EGFR: variants seen among roughly 807,000 people sequenced by gnomAD.
EGFR encodes epidermal growth factor receptor, also known as avian erythroblastic leukemia viral (v-erb-b) oncogene homolog.
EGFR carries 58 observed loss-of-function variants against 143.0 expected under a neutral mutation model. The ratio of observed to expected loss-of-function variants is 0.41; its 90% CI spans 0.33 to 0.50. The LOEUF (loss-of-function observed/expected upper bound fraction) is 0.50. Ranked by LOEUF, EGFR falls within the 20% of genes least tolerant of loss-of-function variation. The pLI is 0.39. For synonymous variants in EGFR, 613 were observed against 594.4 expected, an observed-to-expected ratio of 1.03 and a Z score of -0.45; for missense variants, 1,307 against 1,579.0, an observed-to-expected ratio of 0.83 and a Z score of 2.92.
chr7:55,175,853 C>G (rs2128955492), intron 19 of EGFR, among the ~76,000 whole-genome samples: 1 of 152,288 alleles, frequency 6.6e-6, no homozygotes, highest in Admixed American at 6.5e-5. Context: ...GTTTAATTTT[C>G]TCTGGGCAGC....
intron 1 of EGFR, among the ~76,000 whole-genome samples, chr7:55,093,610 A>T (rs920116369): frequency 1.3e-5 from 2 of 152,190 alleles, no homozygotes; most frequent in African/African-American, 4.8e-5. Flanking sequence ...CTTTCATAGA[A>T]ATGGTCATTT....
At chr7:55,059,500 G>A (rs1789040552) in intron 1 of EGFR, among the ~76,000 whole-genome samples, 1 of 151,896 alleles carries the variant, frequency 6.6e-6, no homozygotes, top group African/African-American at 2.4e-5. Flanking sequence ...GTTGCGTTAG[G>A]GGTCATTCTT....
At chr7:55,057,589 T>C (rs1310470514) in intron 1 of EGFR, among the ~76,000 whole-genome samples, 2 of 152,236 alleles carry the variant, frequency 1.3e-5, no homozygotes, top group African/African-American at 4.8e-5. Flanking sequence ...AACATATTAT[T>C]TGACTTCATG....
intron 1 of EGFR, among the ~76,000 whole-genome samples, chr7:55,125,697 C>T (rs549483635): frequency 5.6e-4 from 85 of 152,000 alleles, no homozygotes; most frequent in African/African-American, 1.9e-3. Context: ...CGTCTTGCAG[C>T]GTCACAGCCA....
intron 1 of EGFR, among the ~76,000 whole-genome samples, chr7:55,028,855 T>A (rs961119732): frequency 6.6e-6 from 1 of 152,134 alleles, no homozygotes; most frequent in Non-Finnish European, 1.5e-5. Flanking sequence ...TCCAAACATA[T>A]GACAGATAAA....
At chr7:55,084,479 G>A (rs1790644765) in intron 1 of EGFR, among the ~76,000 whole-genome samples, 1 of 152,218 alleles carries the variant, frequency 6.6e-6, no homozygotes, top group African/African-American at 2.4e-5. Flanking sequence ...AAAACCAGCT[G>A]ATTTGGGATG....
chr7:55,161,936 G>A (rs1334047421), intron 13 of EGFR, among the ~76,000 whole-genome samples: 5 of 152,184 alleles, frequency 3.3e-5, no homozygotes, highest in African/African-American at 1.2e-4. Context: ...AGACAAATGA[G>A]ACAGTCATCA....
intron 27 of EGFR, 78 bp from the exon 28 acceptor site, chr7:55,205,178 C>T (rs2128974924): frequency 6.3e-7 from 1 of 1,579,166 alleles, no homozygotes. Flanking sequence ...AGGACATTCA[C>T]AGGGTTCAGA....
chr7:55,079,803 G>A (rs1382251465), intron 1 of EGFR, among the ~76,000 whole-genome samples: 5 of 152,094 alleles, frequency 3.3e-5, no homozygotes, highest in African/African-American at 7.2e-5. Flanking sequence ...CCAGGGTCCC[G>A]CCACTCCAGG....
At chr7:55,172,804 G>C (rs1283607894) in intron 16 of EGFR, 179 bp from the exon 17 acceptor site, 1 of 1,534,958 alleles carries the variant, frequency 6.5e-7, no homozygotes, top group Non-Finnish European at 8.7e-7. Flanking sequence ...GCTTGAGAAA[G>C]TTGGAAACGT....
chr7:55,178,168 T>C (rs1278595715), intron 19 of EGFR, among the ~76,000 whole-genome samples: 1 of 152,196 alleles, frequency 6.6e-6, no homozygotes, highest in Non-Finnish European at 1.5e-5. Context: ...CTCAAATGAA[T>C]ACAATATGTT....
chr7:55,118,207 C>T (rs1332221160), intron 1 of EGFR, among the ~76,000 whole-genome samples: 2 of 152,164 alleles, frequency 1.3e-5, no homozygotes, highest in Non-Finnish European at 2.9e-5. Context: ...CAGTCTGTTG[C>T]AATAGGTGAC....
intron 1 of EGFR, among the ~76,000 whole-genome samples, chr7:55,066,058 C>G (rs1198285909): frequency 1.3e-5 from 2 of 152,192 alleles, no homozygotes; most frequent in East Asian, 3.9e-4. Context: ...GATGAAAGTA[C>G]CATGCAGAGG....
At chr7:55,112,129 A>G (rs1792537438) in intron 1 of EGFR, among the ~76,000 whole-genome samples, 1 of 152,230 alleles carries the variant, frequency 6.6e-6, no homozygotes, top group African/African-American at 2.4e-5. Context: ...AGGTCCCCCT[A>G]CAGAGGTCCC....
chr7:55,115,223 G>C (rs1792763559), intron 1 of EGFR, among the ~76,000 whole-genome samples: 1 of 152,088 alleles, frequency 6.6e-6, no homozygotes, highest in Admixed American at 6.5e-5. Flanking sequence ...ATATCACCAA[G>C]ACTCTGTTCA....
At chr7:55,067,065 C>T (rs1789548901) in intron 1 of EGFR, among the ~76,000 whole-genome samples, 1 of 152,196 alleles carries the variant, frequency 6.6e-6, no homozygotes, top group Admixed American at 6.5e-5. Context: ...TCCTCACCTG[C>T]CTGGTGGGAC....
At chr7:55,168,686 A>C in intron 15 of EGFR, 1 of 1,162,892 alleles carries the variant, frequency 8.6e-7, no homozygotes, top group Non-Finnish European at 1.2e-6. Context: ...TACATTCCTG[A>C]TTCTGAGCCT....
At chr7:55,022,152 G>C (rs1260730880) in intron 1 of EGFR, among the ~76,000 whole-genome samples, 1 of 152,164 alleles carries the variant, frequency 6.6e-6, no homozygotes, top group Admixed American at 6.5e-5. Flanking sequence ...AGGCAGCTTA[G>C]TCCTCAGTTC....
In EGFR at chr7:55,184,925, A is replaced by G. The variant is rs150018365; in HGVS notation, c.2469+3447A>G. ...TTTCTTTTTAAACGTTTGAAGTAAA[A>G]CTACCCAGAAACACTTAGTGGCTGA... On this transcript the variant is annotated intron_variant, in intron 20 of 27. Coordinates refer to ENST00000275493, the MANE Select transcript of EGFR (RefSeq NM_005228.5). Among the ~76,000 whole-genome samples the G allele has an allele frequency of 4.0e-3, 610 of 152,320 alleles. 4 individuals are homozygous for G. The highest frequency in any genetic ancestry group is 0.012 in the African/African-American group (510 of 41,576).
Sources: allele counts gnomAD v4.1 joint callset (sites outside exome capture counted in the v4.1 genomes callset), GRCh38; gene constraint gnomAD v4.1.1; transcripts MANE v1.5; gene names NCBI Gene and HGNC (gene_info 2026-07-23, HGNC 2026-07-21).